The following ACTN2 variants were observed in gnomAD, a reference collection of about 807,000 sequenced individuals.
ACTN2 encodes the protein actinin alpha 2.
ACTN2 carries 39 observed loss-of-function variants against 113.8 expected under a neutral mutation model. That is an observed-to-expected ratio of 0.34 (90% CI 0.27 to 0.45). The LOEUF (loss-of-function observed/expected upper bound fraction) is 0.45, where lower values mean the gene tolerates loss of function less well. Among genes scored for constraint, ACTN2 ranks in the 20% least tolerant of loss-of-function variants. ACTN2 has a pLI of 1.00. For synonymous variants in ACTN2, 429 were observed against 444.1 expected (o/e 0.97, Z 0.43); for missense variants, 992 against 1,177.9 (o/e 0.84, Z 2.31).
chr1:236,719,815 C>T (rs959753580), intron 3 of ACTN2, among the ~76,000 whole-genome samples: 1 of 151,826 alleles, frequency 6.6e-6, no homozygotes, highest in Non-Finnish European at 1.5e-5. Context: ...AAAAAAAAAC[C>T]TTAGCTATTA....
chr1:236,751,202 A>G (rs1659384614), intron 14 of ACTN2, among the ~76,000 whole-genome samples: 1 of 151,832 alleles, frequency 6.6e-6, no homozygotes, highest in Admixed American at 6.6e-5. Flanking sequence ...AGTGAAAGGA[A>G]AACTGATTAA....
In ACTN2 at chr1:236,718,917, CG is replaced by C; in HGVS notation, c.269del (p.Gly90GlufsTer18). ...AGGGGAAAGGCTGCCCAAACCTGAC[CG>C]GGGAAAAATGCGGTTCCACAAAATT... ...ISGERLPKPD[R>X]GKMRFHKIAN... On this transcript the variant is annotated frameshift_variant, in exon 3 of 21. Transcript: ENST00000366578. LOFTEE classifies it high-confidence loss of function. The C allele has an allele frequency of 6.2e-7, 1 of 1,614,116 alleles. No individual in the cohort carries two copies. Among genetic ancestry groups the C allele is most frequent in the Non-Finnish European group, 8.5e-7 (1 of 1,180,006 alleles).
chr1:236,733,897 T>G (rs971087971), intron 7 of ACTN2, among the ~76,000 whole-genome samples: 2 of 152,226 alleles, frequency 1.3e-5, no homozygotes, highest in African/African-American at 4.8e-5. Context: ...GAACTGTTAT[T>G]TGTAGCAAAA....
chr1:236,726,054 C>T (rs1310497492), intron 5 of ACTN2, 34 bp downstream of exon 5: 4 of 1,570,802 alleles, frequency 2.5e-6, no homozygotes, highest in African/African-American at 2.7e-5. Context: ...CTTGTATTCT[C>T]AGTGGAATCT....
At chr1:236,747,313 A>G (rs1659266062) in intron 12 of ACTN2, among the ~76,000 whole-genome samples, 1 of 152,222 alleles carries the variant, frequency 6.6e-6, no homozygotes, top group Admixed American at 6.5e-5. Flanking sequence ...ATACCATCCC[A>G]GTTCTCTATC....
chr1:236,737,042 C>A, intron 8 of ACTN2, 80 bp from the exon 9 acceptor site: 1 of 1,237,178 alleles, frequency 8.1e-7, no homozygotes, highest in Non-Finnish European at 1.2e-6. Context: ...CTCGTCCCCT[C>A]TCATCACCCA....
intron 15 of ACTN2, 39 bp downstream of exon 15, chr1:236,751,691 T>C (rs1381561674): frequency 6.2e-7 from 1 of 1,612,900 alleles, no homozygotes; most frequent in Admixed American, 1.7e-5. Flanking sequence ...CAGGGGGCAT[T>C]CTTGAAGCTG....
intron 4 of ACTN2, among the ~76,000 whole-genome samples, chr1:236,722,864 C>T (rs929412124): frequency 3.3e-5 from 5 of 152,036 alleles, no homozygotes; most frequent in Non-Finnish European, 7.4e-5. Flanking sequence ...ATACACCTTT[C>T]GGGAGTAGGT....
intron 1 of ACTN2, among the ~76,000 whole-genome samples, chr1:236,693,552 C>T (rs750662263): frequency 7.9e-5 from 12 of 152,124 alleles, no homozygotes; most frequent in African/African-American, 1.2e-4. Flanking sequence ...TTCTTCCAGG[C>T]GCCCAAGCCA....
chr1:236,752,442 G>C (rs926289324), intron 15 of ACTN2, among the ~76,000 whole-genome samples: 1 of 122,736 alleles, frequency 8.1e-6, no homozygotes, highest in Non-Finnish European at 1.6e-5. Context: ...TTTAGCTCTG[G>C]TCTTCCTAAC....
intron 4 of ACTN2, 68 bp downstream of exon 4, chr1:236,720,259 A>G: frequency 1.5e-6 from 2 of 1,324,226 alleles, no homozygotes; most frequent in Non-Finnish European, 2.2e-6. Context: ...AAATTTGAGC[A>G]AGATGTTTTA....
chr1:236,715,270 T>A (rs1290333165), intron 1 of ACTN2, among the ~76,000 whole-genome samples: 2 of 151,266 alleles, frequency 1.3e-5, no homozygotes, highest in Non-Finnish European at 2.9e-5. Context: ...ACTCGTCATT[T>A]AACATTAGGT....
chr1:236,711,531 G>A (rs190321337), intron 1 of ACTN2, among the ~76,000 whole-genome samples: 225 of 152,222 alleles, frequency 1.5e-3, no homozygotes, highest in African/African-American at 5.1e-3. Flanking sequence ...TATATTTTTA[G>A]TAGAGATGGG....
rs757713931 is a variant in ACTN2, at chr1:236,761,096, T to C, written c.2449T>C (p.Phe817Leu). The change falls in exon 20 of 21, where the codon TTC becomes CTC. Residue 817 changes from phenylalanine to leucine, a missense_variant. This residue lies in a region of ACTN2 where 736 missense variants were observed against 815.4 expected (regional missense o/e 0.90). Coordinates refer to ENST00000366578, the MANE Select transcript of ACTN2 (RefSeq NM_001103.4). ...GTVTFQSFID[F>L]MTRETADTDT... The stretch of plus-strand genomic sequence containing the variant: ...CGTCACCTTCCAATCCTTCATCGAC[T>C]TCATGACTAGAGAGACGGCTGACAC... 5.6e-6 allele frequency: 9 copies of C among 1,614,048 alleles called. No individual in the cohort carries two copies. The African/African-American group carries it at 6.7e-5, about 12-fold the overall frequency.
chr1:236,745,366 G>A (rs1572137962), intron 12 of ACTN2, among the ~76,000 whole-genome samples: 1 of 152,160 alleles, frequency 6.6e-6, no homozygotes, highest in Non-Finnish European at 1.5e-5. Context: ...CCCAGGAGGC[G>A]GAGCTTGCAG....
Position 236,735,635 on chromosome 1 carries a change from A to G in ACTN2, c.698A>G (p.Asp233Gly). ...LDIPKMLDAE[D>G]IVNTPKPDER... ...CCTGTGTTATTTTCTCCCCCTTCAG[A>G]CATCGTGAACACCCCTAAACCCGAT... Residue 233 changes from aspartate to glycine, a missense_variant and splice_region_variant, in exon 8 of 21, where the codon GAC (aspartate) becomes GGC (glycine). Coordinates refer to ENST00000366578, the MANE Select transcript of ACTN2 (RefSeq NM_001103.4). The G allele has an allele frequency of 6.2e-7, 1 of 1,613,868 alleles. No homozygotes were observed. Among genetic ancestry groups the G allele is most frequent in the South Asian group, 1.1e-5 (1 of 91,078 alleles).
At chr1:236,758,900 C>T (rs371351286) in intron 18 of ACTN2, among the ~76,000 whole-genome samples, 3 of 152,138 alleles carry the variant, frequency 2.0e-5, no homozygotes, top group South Asian at 2.1e-4. Flanking sequence ...AGCTTACAGG[C>T]GTGAGCCACC....
At chr1:236,728,206 T>G (rs534123615) in intron 6 of ACTN2, among the ~76,000 whole-genome samples, 13 of 149,122 alleles carry the variant, frequency 8.7e-5, no homozygotes, top group Non-Finnish European at 1.8e-4. Flanking sequence ...TGCAGTGGTG[T>G]GATCTCGGCT....
At chr1:236,759,227 A>T (rs181759598) in intron 18 of ACTN2, among the ~76,000 whole-genome samples, 1 of 152,312 alleles carries the variant, frequency 6.6e-6, no homozygotes, top group African/African-American at 2.4e-5. Context: ...TCTTCCAAGG[A>T]GGGAAATGAT....
Sources: gnomAD v4.1 joint callset for allele counts (sites outside exome capture counted in the v4.1 genomes callset) on GRCh38, gnomAD v4.1.1 for gene constraint, gnomAD v4.1.1 regional missense constraint, MANE v1.5 for transcripts, NCBI Gene and HGNC (gene_info 2026-07-23, HGNC 2026-07-21) for gene names.